Variants in ACO1 observed in about 807,000 individuals in gnomAD.
ACO1 encodes the protein cytoplasmic aconitate hydratase.
ACO1 carries 78 observed loss-of-function variants against 105.1 expected under a neutral mutation model. The observed-to-expected ratio is 0.74, with a 90% CI of 0.62 to 0.90. The LOEUF (loss-of-function observed/expected upper bound fraction) is 0.90. ACO1 is among the 40% of genes least tolerant of loss of function. The pLI is 0.00. For missense variants in ACO1, 965 were observed against 1,111.1 expected (o/e 0.87, Z 1.87); for synonymous variants, 364 against 397.4 (o/e 0.92, Z 1.00).
chr9:32,393,073 T>C (rs951230900), intron 1 of ACO1, among the ~76,000 whole-genome samples: 3 of 152,180 alleles, frequency 2.0e-5, no homozygotes, highest in Non-Finnish European at 4.4e-5. Flanking sequence ...GTTTGAACAA[T>C]ATGAAATCTG....
chr9:32,453,911 A>AAAG lies in ACO1; in HGVS notation c.*3801_*3803dup, dbSNP rs1295121508. On this transcript the variant is annotated 3_prime_UTR_variant, in exon 21 of 21. Transcript: ENST00000309951. Reference sequence around the variant, plus strand: ...GATAGCTGATATTAAGTAAGTTTTAAAAGTTGACATCCCAAGAGTGAAGCC... The same window carrying AAAG: ...GATAGCTGATATTAAGTAAGTTTTAAAAGAAGTTGACATCCCAAGAGTGAAGCC... 2.0e-5 allele frequency: 3 copies of AAAG among 152,240 alleles called. No homozygotes were observed. Among genetic ancestry groups the AAAG allele is most frequent in the Non-Finnish European group, 4.4e-5 (3 of 68,034 alleles). The allele number at this position is 152,240 out of a possible 1,614,324, so 9.4% of individuals were successfully genotyped here.
intron 14 of ACO1, 87 bp from the exon 15 acceptor site, chr9:32,431,632 C>A: frequency 1.4e-6 from 2 of 1,436,252 alleles, no homozygotes; most frequent in South Asian, 1.2e-5. Flanking sequence ...TAGAACATAA[C>A]TACCGAGGAG....
At chr9:32,430,961 G>C (rs551506370) in intron 14 of ACO1, among the ~76,000 whole-genome samples, 1 of 152,144 alleles carries the variant, frequency 6.6e-6, no homozygotes, top group East Asian at 1.9e-4. Flanking sequence ...CCTTTCCCCA[G>C]ATCAGCTTGC....
rs772130307 is a variant in ACO1 at position 32,405,521 on chromosome 9, C to A, written c.15C>A (p.Phe5Leu). The A allele has an allele frequency of 1.2e-6, 2 of 1,613,496 alleles. No individual in the cohort carries two copies. Among genetic ancestry groups the A allele is most frequent in the African/African-American group, 1.3e-5 (1 of 74,908 alleles). MSNP[F>L]AHLAEPLDPV... ...CATCAGTAATCATGAGCAACCCATT[C>A]GCACACCTTGCTGAGCCATTGGATC... The change falls in exon 2 of 21, where the codon TTC becomes TTA. Residue 5 changes from phenylalanine (F) to leucine (L), a missense_variant. Physicochemically the swap from Phe to Leu is conservative, Grantham distance 22. Transcript: ENST00000309951.
At chr9:32,423,465 G>T (rs758782987) in intron 9 of ACO1, 46 bp downstream of exon 9, 2 of 1,338,472 alleles carry the variant, frequency 1.5e-6, no homozygotes, top group Admixed American at 4.1e-5. Context: ...CTTCCTCAAG[G>T]CTGCGATTTT....
intron 1 of ACO1, among the ~76,000 whole-genome samples, chr9:32,403,209 G>T (rs535155615): frequency 6.6e-6 from 1 of 152,164 alleles, no homozygotes; most frequent in East Asian, 1.9e-4. Context: ...ATGCCGTTAC[G>T]CAAGGTTTTT....
intron 4 of ACO1, among the ~76,000 whole-genome samples, chr9:32,411,438 G>A (rs1201355304): frequency 2.0e-5 from 3 of 151,602 alleles, no homozygotes; most frequent in South Asian, 4.2e-4. Flanking sequence ...AATGAAACAC[G>A]GAAAAAAGGT....
chr9:32,384,679 C>T lies in ACO1; in HGVS notation c.-79C>T, dbSNP rs1159172115. On this transcript the variant is annotated 5_prime_UTR_variant, in exon 1 of 21. Coordinates refer to ENST00000309951, the MANE Select transcript of ACO1 (RefSeq NM_002197.3). Reference sequence around the variant, plus strand: ...TGGAACCGCGCAGCGCACGGGAACGCGTCCCGCTGCTTGGGTCAGGTTCGC... The same window carrying T: ...TGGAACCGCGCAGCGCACGGGAACGTGTCCCGCTGCTTGGGTCAGGTTCGC... 1.2e-5 allele frequency: 5 copies of T among 408,054 alleles called. No homozygotes were observed. Among genetic ancestry groups the T allele is most frequent in the Non-Finnish European group, 2.4e-5 (5 of 205,456 alleles). 25.3% of individuals were successfully genotyped at this position (408,054 alleles called of 1,614,324 possible). A position where few individuals can be genotyped will look rare whatever the true frequency, so the allele number is the denominator to read the frequency against.
intron 4 of ACO1, 38 bp downstream of exon 4, chr9:32,408,689 G>C (rs879860721): frequency 6.3e-7 from 1 of 1,596,926 alleles, no homozygotes; most frequent in Non-Finnish European, 8.5e-7. Context: ...GTTCTGCTTT[G>C]TGCAAAATCT....
chr9:32,424,896 C>T (rs575836582), intron 10 of ACO1, among the ~76,000 whole-genome samples: 20 of 142,708 alleles, frequency 1.4e-4, no homozygotes, highest in African/African-American at 4.8e-4. Flanking sequence ...CTGCTTTTCA[C>T]AGGACCCTCA....
chr9:32,411,317 C>T (rs548278975), intron 4 of ACO1, among the ~76,000 whole-genome samples: 4 of 152,274 alleles, frequency 2.6e-5, no homozygotes, highest in African/African-American at 9.6e-5. Flanking sequence ...TTTCCATATA[C>T]AGTGCTGGAA....
At chr9:32,430,307 G>A (rs1458712584) in intron 13 of ACO1, 111 bp from the exon 14 acceptor site, 4 of 1,088,540 alleles carry the variant, frequency 3.7e-6, no homozygotes, top group Non-Finnish European at 5.2e-6. Flanking sequence ...CAAGTGAAAG[G>A]GCAGCTTAAA....
rs1039427545 is a variant in ACO1, at chr9:32,439,281, T to G, written c.2248-1184T>G. 6.6e-6 allele frequency among the ~76,000 whole-genome samples: 1 copy of G among 152,244 alleles called. No individual in the cohort carries two copies. Among genetic ancestry groups the G allele is most frequent in the Non-Finnish European group, 1.5e-5 (1 of 68,044 alleles). On this transcript the variant is annotated intron_variant, in intron 18 of 20. Transcript: ENST00000309951. This position sits in a 1 kb window ranked among gnomAD's most constrained non-coding sequence, Gnocchi z 4.0. ...CCAGACAATTCAGTTAGAAGAAGGT[T>G]TTCACTGTTTCTATGACAGTTTCTA...
At chr9:32,445,415 A>G (rs1195244386) in intron 19 of ACO1, 1 of 161,362 alleles carries the variant, frequency 6.2e-6, no homozygotes, top group Non-Finnish European at 1.4e-5. Flanking sequence ...TGTTTATAGT[A>G]TTATCTGATG....
chr9:32,442,579 T>C (rs1231062880), intron 19 of ACO1, among the ~76,000 whole-genome samples: 1 of 152,210 alleles, frequency 6.6e-6, no homozygotes, highest in Admixed American at 6.5e-5. Flanking sequence ...CAACACAATT[T>C]CATCTTTGAA....
chr9:32,440,622 C>G (rs749213835), intron 19 of ACO1, 35 bp downstream of exon 19: 13 of 1,607,506 alleles, frequency 8.1e-6, no homozygotes. Context: ...GAGGCAGCTC[C>G]CCTCTGAACT....
intron 11 of ACO1, among the ~76,000 whole-genome samples, chr9:32,426,648 T>G (rs1822106681): frequency 6.6e-6 from 1 of 152,218 alleles, no homozygotes; most frequent in Admixed American, 6.5e-5. Flanking sequence ...TAAGCTTTCC[T>G]TGTCTGGTCT....
chr9:32,435,445 T>G (rs1198471221), intron 17 of ACO1, among the ~76,000 whole-genome samples: 2 of 152,202 alleles, frequency 1.3e-5, no homozygotes, highest in Non-Finnish European at 2.9e-5. Context: ...TTGGATAGTT[T>G]CAGGGATTCC....
At chr9:32,418,259 TGCC>T (rs1283659443) in intron 5 of ACO1, 62 bp downstream of exon 5, 26 of 1,612,436 alleles carry the variant, frequency 1.6e-5, no homozygotes, top group Non-Finnish European at 2.2e-5. Flanking sequence ...GAGGGAGAGA[TGCC>T]AAGGAGATGG....
Sources: allele counts gnomAD v4.1 joint callset (sites outside exome capture counted in the v4.1 genomes callset), GRCh38; gene constraint gnomAD v4.1.1; non-coding constraint Gnocchi (gnomAD v3.1); transcripts MANE v1.5; gene names NCBI Gene and HGNC (gene_info 2026-07-23, HGNC 2026-07-21).